TSPAN9: variants seen among roughly 807,000 people sequenced by gnomAD.
TSPAN9 encodes tetraspanin-9.
Under a neutral mutation model 31.0 loss-of-function variants are expected in TSPAN9, and 16 were observed. That is an observed-to-expected ratio of 0.52 (90% confidence interval 0.35 to 0.78). The LOEUF is 0.78. TSPAN9 is among the 30% of genes least tolerant of loss of function. The probability of loss-of-function intolerance (pLI) is 0.01; values close to 1 mark genes in which losing one functional copy is unlikely to be tolerated. For synonymous variants in TSPAN9, 145 were observed against 121.6 expected, an observed-to-expected ratio of 1.19 and a Z score of -1.27; for missense variants, 272 against 312.5, an observed-to-expected ratio of 0.87 and a Z score of 0.98.
intron 2 of TSPAN9, among the ~76,000 whole-genome samples, chr12:3,105,148 T>A (rs12310376): frequency 0.11 from 17,212 of 152,204 alleles, 1,217 homozygotes; most frequent in East Asian, 0.36. Context: ...GGACCCTGTG[T>A]CTTTGTGTTC....
intron 3 of TSPAN9, among the ~76,000 whole-genome samples, chr12:3,251,653 A>G (rs1397185527): frequency 3.9e-5 from 6 of 152,250 alleles, no homozygotes; most frequent in Non-Finnish European, 1.5e-5. Flanking sequence ...GTTGCAAAGG[A>G]CATCTTTAGT....
At chr12:3,178,573 G>C (rs1343193639) in intron 2 of TSPAN9, among the ~76,000 whole-genome samples, 1 of 152,244 alleles carries the variant, frequency 6.6e-6, no homozygotes, top group Non-Finnish European at 1.5e-5. Flanking sequence ...TTATAGGCGT[G>C]AGCCACTGCG....
chr12:3,109,022 G>A (rs542221467), intron 2 of TSPAN9, among the ~76,000 whole-genome samples: 3 of 151,732 alleles, frequency 2.0e-5, no homozygotes, highest in African/African-American at 7.3e-5. Flanking sequence ...TGCAAGCTCC[G>A]CCTCTCGGGT....
At chr12:3,181,439 C>T (rs12302955) in intron 2 of TSPAN9, among the ~76,000 whole-genome samples, 44,000 of 152,028 alleles carry the variant, frequency 0.29, 6,622 homozygotes, top group African/African-American at 0.34. Context: ...CTCCCTACCA[C>T]CTCATCCGCA....
At chr12:3,169,312 C>G (rs969899823) in intron 2 of TSPAN9, among the ~76,000 whole-genome samples, 1 of 152,160 alleles carries the variant, frequency 6.6e-6, no homozygotes, top group Non-Finnish European at 1.5e-5. Flanking sequence ...TGGAAGAAGC[C>G]CCTGCTTTAG....
chr12:3,222,204 G>T (rs537948027), intron 3 of TSPAN9, among the ~76,000 whole-genome samples: 12 of 152,308 alleles, frequency 7.9e-5, no homozygotes, highest in South Asian at 4.1e-4. Context: ...ATGCAGAAGG[G>T]GGGGACGTGG....
chr12:3,159,757 G>C (rs902682665), intron 2 of TSPAN9, among the ~76,000 whole-genome samples: 3 of 152,150 alleles, frequency 2.0e-5, no homozygotes, highest in African/African-American at 7.2e-5. Context: ...CAAACACAGA[G>C]GGAAGACAAC....
At chr12:3,162,804 C>G (rs961204412) in intron 2 of TSPAN9, among the ~76,000 whole-genome samples, 6 of 152,166 alleles carry the variant, frequency 3.9e-5, no homozygotes, top group African/African-American at 1.4e-4. Context: ...CTACATGTCG[C>G]CCTTCTCTCC....
intron 2 of TSPAN9, 82 bp from the exon 3 acceptor site, chr12:3,201,095 G>C (rs2098371285): frequency 7.5e-7 from 1 of 1,338,798 alleles, no homozygotes; most frequent in Non-Finnish European, 1.1e-6. Context: ...CGAGGCCGGC[G>C]TTAAGACCGA....
intron 2 of TSPAN9, among the ~76,000 whole-genome samples, chr12:3,110,274 G>A (rs2098317812): frequency 1.3e-5 from 2 of 152,150 alleles, no homozygotes; most frequent in Admixed American, 6.5e-5. Context: ...CAGGAATTCC[G>A]TTTTAGATCT....
At chr12:3,141,831 T>C (rs1233502478) in intron 2 of TSPAN9, among the ~76,000 whole-genome samples, 1 of 152,124 alleles carries the variant, frequency 6.6e-6, no homozygotes, top group Non-Finnish European at 1.5e-5. Flanking sequence ...CTCTTGCTTT[T>C]CCCCTTTGCA....
chr12:3,152,200 C>T lies in TSPAN9; in HGVS notation c.-17-48977C>T, dbSNP rs573861956. Among the ~76,000 whole-genome samples, 6 of 152,312 alleles carry T rather than the reference C, an allele frequency of 3.9e-5. No individual in the cohort carries two copies. In the South Asian group the frequency reaches 1.2e-3, roughly 32 times the overall value. Reference sequence around the variant, plus strand: ...CAAGGCACCCCCCTCTGTCATAGCTCATAGGGAAGCAGCTGCCACTTCCCA... The same window carrying T: ...CAAGGCACCCCCCTCTGTCATAGCTTATAGGGAAGCAGCTGCCACTTCCCA... On this transcript the variant is annotated intron_variant, in intron 2 of 8. Transcript: ENST00000011898.
At chr12:3,252,537 G>A (rs1203060676) in intron 3 of TSPAN9, among the ~76,000 whole-genome samples, 1 of 152,234 alleles carries the variant, frequency 6.6e-6, no homozygotes, top group Non-Finnish European at 1.5e-5. Flanking sequence ...TGGGGACGGA[G>A]CCCCCTCCTA....
chr12:3,142,164 A>T (rs1332849496), intron 2 of TSPAN9, among the ~76,000 whole-genome samples: 2 of 152,002 alleles, frequency 1.3e-5, no homozygotes, highest in African/African-American at 4.8e-5. Context: ...GCTCTGCCTG[A>T]CTGCTGCTGG....
chr12:3,130,812 C>T (rs1035095612), intron 2 of TSPAN9, among the ~76,000 whole-genome samples: 3 of 152,170 alleles, frequency 2.0e-5, no homozygotes, highest in Admixed American at 6.5e-5. Context: ...TTTATTTTTG[C>T]TGTTTTCCAG....
At chr12:3,204,929 T>C (rs2098374152) in intron 3 of TSPAN9, among the ~76,000 whole-genome samples, 2 of 152,132 alleles carry the variant, frequency 1.3e-5, no homozygotes, top group African/African-American at 4.8e-5. Context: ...AGAGATTAAA[T>C]GATTCTAAGC....
intron 3 of TSPAN9, among the ~76,000 whole-genome samples, chr12:3,225,160 T>G (rs1479873508): frequency 2.6e-5 from 4 of 152,052 alleles, no homozygotes; most frequent in Admixed American, 2.0e-4. Flanking sequence ...CAGGAAGCCG[T>G]AAGGGCACCC....
At chr12:3,120,150 G>A (rs2098324420) in intron 2 of TSPAN9, among the ~76,000 whole-genome samples, 1 of 152,200 alleles carries the variant, frequency 6.6e-6, no homozygotes, top group Non-Finnish European at 1.5e-5. Flanking sequence ...GGTGTTAATT[G>A]GAAAGCTTTA....
chr12:3,157,860 C>G (rs2098343053), intron 2 of TSPAN9, among the ~76,000 whole-genome samples: 1 of 152,192 alleles, frequency 6.6e-6, no homozygotes, highest in Non-Finnish European at 1.5e-5. Flanking sequence ...GTGGGCTGTG[C>G]CTGGCCTCAG....
Sources: gnomAD v4.1 joint callset for allele counts (sites outside exome capture counted in the v4.1 genomes callset) on GRCh38, gnomAD v4.1.1 for gene constraint, MANE v1.5 for transcripts, NCBI Gene and HGNC (gene_info 2026-07-23, HGNC 2026-07-21) for gene names.